Variants in RYR2 observed in about 807,000 individuals in gnomAD.
RYR2 encodes the protein ryanodine receptor 2.
In RYR2, 227 loss-of-function variants were observed where a neutral mutation model predicts 601.1. The ratio of observed to expected loss-of-function variants is 0.38; its 90% CI spans 0.34 to 0.42. The LOEUF (loss-of-function observed/expected upper bound fraction) is 0.42. RYR2 is among the 10% of genes least tolerant of loss of function. The pLI, the probability that RYR2 is intolerant of heterozygous loss-of-function variation, is 1.00. For synonymous variants in RYR2, 2,223 were observed against 2,175.1 expected (o/e 1.02, Z -0.61); for missense variants, 4,646 against 6,156.5 (o/e 0.75, Z 8.21).
intron 80 of RYR2, among the ~76,000 whole-genome samples, chr1:237,750,446 T>C (rs1692448124): frequency 6.6e-6 from 1 of 151,562 alleles, no homozygotes; most frequent in Non-Finnish European, 1.5e-5. Flanking sequence ...AAATGTAAAT[T>C]ACATAAATAT....
chr1:237,445,448 G>A lies in RYR2; in HGVS notation c.1218G>A (p.Ser406=), dbSNP rs147389346. 4.5e-4 allele frequency: 733 copies of A among 1,613,646 alleles called. 6 individuals carry two copies. In the African/African-American group the frequency reaches 8.6e-3, roughly 19 times the overall value. The change falls in exon 14 of 105, where the codon TCG becomes TCA. Residue 406 remains serine (S), a synonymous_variant. Transcript: ENST00000366574. ...EGHMDDGISL[S]RSQHEESRTA... is the part of the protein sequence containing the mutation. ...ACATGGATGATGGCATAAGTTTGTC[G>A]AGATCCCAGCATGAAGAATCACGCA...
intron 1 of RYR2, among the ~76,000 whole-genome samples, chr1:237,248,911 G>A (rs973384803): frequency 4.6e-5 from 7 of 151,974 alleles, no homozygotes; most frequent in Admixed American, 2.6e-4. Context: ...ACAGGCATGC[G>A]CCACCACGTC....
chr1:237,304,820 A>T (rs1468923190), intron 2 of RYR2, among the ~76,000 whole-genome samples: 1 of 152,242 alleles, frequency 6.6e-6, no homozygotes, highest in Non-Finnish European at 1.5e-5. Context: ...TTACCAAAAC[A>T]TACAATTTAA....
intron 17 of RYR2, among the ~76,000 whole-genome samples, chr1:237,487,556 CA>C (rs770034115): frequency 0.23 from 9,302 of 40,696 alleles, 500 homozygotes; most frequent in African/African-American, 0.38. Flanking sequence ...CCCGTCTCTA[CA>C]AAAAAAAAAA....
At chr1:237,429,132 T>C (rs967180034) in intron 12 of RYR2, among the ~76,000 whole-genome samples, 7 of 152,130 alleles carry the variant, frequency 4.6e-5, no homozygotes, top group African/African-American at 1.7e-4. Flanking sequence ...AGGGACCCTG[T>C]CCTCCCACAC....
chr1:237,807,292 T>C (rs934690409), intron 99 of RYR2, among the ~76,000 whole-genome samples: 1 of 152,144 alleles, frequency 6.6e-6, no homozygotes, highest in African/African-American at 2.4e-5. Flanking sequence ...ACATAAAAGG[T>C]CCGGCACTAC....
At chr1:237,800,850 G>A (rs1659872984) in intron 97 of RYR2, among the ~76,000 whole-genome samples, 1 of 152,090 alleles carries the variant, frequency 6.6e-6, no homozygotes, top group South Asian at 2.1e-4. Context: ...TGTGTGAGCT[G>A]GGGAGTTCAC....
intron 63 of RYR2, 70 bp from the exon 64 acceptor site, chr1:237,698,895 A>G (rs1031810752): frequency 1.2e-6 from 1 of 816,308 alleles, no homozygotes; most frequent in Non-Finnish European, 2.0e-6. Context: ...TCTAGCACAA[A>G]TATTGGTAGA....
At chr1:237,373,698 G>A (rs1038095833) in intron 6 of RYR2, among the ~76,000 whole-genome samples, 1 of 152,170 alleles carries the variant, frequency 6.6e-6, no homozygotes, top group African/African-American at 2.4e-5. Flanking sequence ...GAACACGTAA[G>A]GGTGGGAAGA....
At chr1:237,192,157 C>T (rs1419729684) in intron 1 of RYR2, among the ~76,000 whole-genome samples, 1 of 150,656 alleles carries the variant, frequency 6.6e-6, no homozygotes, top group Non-Finnish European at 1.5e-5. Flanking sequence ...CACAATACTG[C>T]GGCCTCTGCT....
At chr1:237,729,684 A>G (rs1312835602) in intron 76 of RYR2, among the ~76,000 whole-genome samples, 3 of 152,114 alleles carry the variant, frequency 2.0e-5, no homozygotes, top group African/African-American at 7.2e-5. Context: ...GATTCTTCTC[A>G]TCTGCACTGG....
intron 12 of RYR2, among the ~76,000 whole-genome samples, chr1:237,431,497 C>T (rs942939738): frequency 3.3e-5 from 5 of 152,050 alleles, no homozygotes; most frequent in African/African-American, 7.2e-5. Flanking sequence ...ATAACATATA[C>T]TACTATATTC....
intron 1 of RYR2, among the ~76,000 whole-genome samples, chr1:237,233,838 C>A (rs985564137): frequency 3.9e-5 from 6 of 151,956 alleles, no homozygotes; most frequent in African/African-American, 1.4e-4. Context: ...AGGGGCACAC[C>A]ACCATGCCTG....
chr1:237,268,950 A>ACAAAAC lies in RYR2; in HGVS notation c.49-1547_49-1546insCAAAAC, dbSNP rs1553373192. ...ACTCTTGTCTCAAAAAAAAAAAAAA[A>ACAAAAC]AAAAAAAAAAAGGAAATAAAGGCAA... On this transcript the variant is annotated intron_variant, in intron 1 of 104. Transcript: ENST00000366574. 2.8e-5 allele frequency among the ~76,000 whole-genome samples: 3 copies of ACAAAAC among 107,150 alleles called. 1 individual carries two copies. Among genetic ancestry groups the ACAAAAC allele is most frequent in the Admixed American group, 2.7e-4 (2 of 7,310 alleles). The allele number at this position is 107,150 out of a possible 152,430, so 70.3% of individuals were successfully genotyped here. A position where few individuals can be genotyped will look rare whatever the true frequency, so the allele number is the denominator to read the frequency against.
chr1:237,315,698 T>C (rs576380617), intron 2 of RYR2, among the ~76,000 whole-genome samples: 1 of 152,282 alleles, frequency 6.6e-6, no homozygotes, highest in South Asian at 2.1e-4. Flanking sequence ...ATATGTGTAA[T>C]ACAAGGCAGT....
intron 99 of RYR2, among the ~76,000 whole-genome samples, chr1:237,807,498 C>G (rs1307878800): frequency 6.6e-6 from 1 of 152,104 alleles, no homozygotes; most frequent in African/African-American, 2.4e-5. Flanking sequence ...ATTATAGGCG[C>G]GTGCCACCAT....
At chr1:237,051,610 G>T (rs1187271953) in intron 1 of RYR2, among the ~76,000 whole-genome samples, 1 of 152,010 alleles carries the variant, frequency 6.6e-6, no homozygotes. Flanking sequence ...GCTTTTTTAC[G>T]CCGTGGCCTA....
At chr1:237,535,583 TCA>T (rs1668534822) in intron 25 of RYR2, among the ~76,000 whole-genome samples, 1 of 151,748 alleles carries the variant, frequency 6.6e-6, no homozygotes, top group Non-Finnish European at 1.5e-5. Flanking sequence ...AAGAAACACT[TCA>T]CAGTTTATTT....
At chr1:237,704,621 G>A (rs1201660161) in intron 66 of RYR2, among the ~76,000 whole-genome samples, 2 of 151,650 alleles carry the variant, frequency 1.3e-5, no homozygotes, top group African/African-American at 4.8e-5. Flanking sequence ...ATATTTATCT[G>A]GACAAAATTC....
Sources: allele counts gnomAD v4.1 joint callset (sites outside exome capture counted in the v4.1 genomes callset), GRCh38; gene constraint gnomAD v4.1.1; transcripts MANE v1.5; gene names NCBI Gene and HGNC (gene_info 2026-07-23, HGNC 2026-07-21).